The following SIK3 variants were observed in gnomAD, a reference collection of about 807,000 sequenced individuals.
SIK3 encodes serine/threonine-protein kinase SIK3.
SIK3 carries 28 observed loss-of-function variants against 144.2 expected under a neutral mutation model. The ratio of observed to expected loss-of-function variants is 0.19; its 90% confidence interval spans 0.14 to 0.27. The LOEUF (loss-of-function observed/expected upper bound fraction) is 0.27, where lower values mean the gene tolerates loss of function less well. Ranked by LOEUF, SIK3 falls within the 10% of genes least tolerant of loss-of-function variation. SIK3 has a pLI of 1.00. For synonymous variants in SIK3, 686 were observed against 676.3 expected (o/e 1.01, Z -0.22); for missense variants, 1,319 against 1,776.0 (o/e 0.74, Z 4.62).
rs1386176517 is a variant in SIK3, at chr11:116,843,546, TTAC to T, written c.*2094_*2096del. 6.6e-6 allele frequency: 1 copy of T among 152,256 alleles called. No homozygotes were observed. Among genetic ancestry groups the T allele is most frequent in the African/African-American group, 2.4e-5 (1 of 41,462 alleles). 9.4% of individuals were successfully genotyped at this position (152,256 alleles called of 1,614,324 possible). On this transcript the variant is annotated 3_prime_UTR_variant, in exon 25 of 25. Coordinates refer to ENST00000445177, the MANE Select transcript of SIK3 (RefSeq NM_001366686.3). ...ATTCAACGTATACTGCACATATTGG[TTAC>T]TACAATACAAAGCAATGAGTTTTTT... is the stretch of plus-strand genomic sequence containing the variant.
chr11:116,874,113 T>A, intron 11 of SIK3, 57 bp from the exon 12 acceptor site: 1 of 1,571,362 alleles, frequency 6.4e-7, no homozygotes, highest in African/African-American at 1.4e-5. Context: ...CAAAAGTGCT[T>A]ATATCCCAAA....
chr11:116,883,114 A>G (rs182483424), intron 6 of SIK3, among the ~76,000 whole-genome samples: 2,380 of 152,318 alleles, frequency 0.016, 21 homozygotes, highest in Non-Finnish European at 0.024. Flanking sequence ...ATGCTATTAT[A>G]GCAAACAGAA....
At position 116,876,850 on chromosome 11, in the gene SIK3, T is replaced by G. The variant is rs1734631922; in HGVS notation, c.984+74A>C. ...AGTGTCCGCCTTTCAGGTTATGGCC[T>G]GATTACAATCACATGCAAAGGAGGC... On this transcript the variant is annotated intron_variant, in intron 7 of 24. Transcript: ENST00000445177. 5.7e-6 allele frequency: 7 copies of G among 1,230,956 alleles called. No individual in the cohort carries two copies. In the South Asian group the frequency reaches 8.5e-5, roughly 15 times the overall value. The allele number at this position is 1,230,956 out of a possible 1,614,324, so 76.3% of individuals were successfully genotyped here.
intron 1 of SIK3, among the ~76,000 whole-genome samples, chr11:116,967,591 C>T (rs1435258574): frequency 6.6e-6 from 1 of 152,234 alleles, no homozygotes; most frequent in Non-Finnish European, 1.5e-5. Flanking sequence ...CATCTCTTGA[C>T]ATCTCCCAAT....
intron 3 of SIK3, among the ~76,000 whole-genome samples, chr11:116,934,569 C>T (rs1947799864): frequency 6.6e-6 from 1 of 152,216 alleles, no homozygotes; most frequent in African/African-American, 2.4e-5. Flanking sequence ...CTTCGTGAAA[C>T]ACATTATCAC....
chr11:116,964,668 G>A (rs1032598458), intron 1 of SIK3, among the ~76,000 whole-genome samples: 1 of 152,086 alleles, frequency 6.6e-6, no homozygotes, highest in African/African-American at 2.4e-5. Context: ...ATCACTTGAG[G>A]TCAGGAGCTC....
rs377320200 is a variant in SIK3 at position 116,893,272 on chromosome 11, T to C, written c.865+2981A>G. Among the ~76,000 whole-genome samples, 44 of 152,222 alleles carry C rather than the reference T, an allele frequency of 2.9e-4. No individual in the cohort carries two copies. In the South Asian group the frequency reaches 5.2e-3, roughly 18 times the overall value. On this transcript the variant is annotated intron_variant, in intron 6 of 24. Coordinates refer to ENST00000445177, the MANE Select transcript of SIK3 (RefSeq NM_001366686.3). ...AAACATACCACTCTGGTGGGGCACA[T>C]TGATTATGACAGGGGTCAGCAGGGG... is the stretch of plus-strand genomic sequence containing the variant.
At chr11:116,934,826 T>TC (rs1208692781) in intron 3 of SIK3, among the ~76,000 whole-genome samples, 2 of 151,944 alleles carry the variant, frequency 1.3e-5, no homozygotes, top group Non-Finnish European at 2.9e-5. Context: ...ACCTCTATAA[T>TC]CCCAGCACTT....
intron 22 of SIK3, among the ~76,000 whole-genome samples, chr11:116,848,264 G>A (rs1412193608): frequency 6.6e-6 from 1 of 152,082 alleles, no homozygotes; most frequent in Admixed American, 6.5e-5. Context: ...GGAGAATGGC[G>A]TGAACCCGGG....
chr11:117,017,342 T>C (rs1189301714), intron 1 of SIK3, among the ~76,000 whole-genome samples: 1 of 152,234 alleles, frequency 6.6e-6, no homozygotes, highest in African/African-American at 2.4e-5. Flanking sequence ...AAAAGCTGGC[T>C]CCTAGGCATG....
chr11:116,946,209 G>A (rs1426103504), intron 3 of SIK3, among the ~76,000 whole-genome samples: 1 of 152,006 alleles, frequency 6.6e-6, no homozygotes, highest in South Asian at 2.1e-4. Context: ...ATATTTAAAC[G>A]AATCAAAATA....
At chr11:117,049,722 G>A (rs1182038543) in intron 1 of SIK3, among the ~76,000 whole-genome samples, 1 of 151,890 alleles carries the variant, frequency 6.6e-6, no homozygotes, top group South Asian at 2.1e-4. Context: ...TTTGGAAGCT[G>A]AAGTGGAGGA....
intron 1 of SIK3, among the ~76,000 whole-genome samples, chr11:117,081,197 TATAA>T: frequency 6.6e-6 from 1 of 152,288 alleles, no homozygotes; most frequent in East Asian, 1.9e-4. Context: ...AAAATCTGGT[TATAA>T]ATAGTTAATG....
chr11:117,038,807 T>C (rs1011884720), intron 1 of SIK3, among the ~76,000 whole-genome samples: 1 of 152,026 alleles, frequency 6.6e-6, no homozygotes, highest in African/African-American at 2.4e-5. Flanking sequence ...CCCAGCACTT[T>C]GGGAGGCGGA....
chr11:116,855,980 G>T (rs980203363), intron 21 of SIK3, among the ~76,000 whole-genome samples: 18 of 152,158 alleles, frequency 1.2e-4, no homozygotes, highest in African/African-American at 4.3e-4. Flanking sequence ...TGCGGATCAC[G>T]AGGTCAGGAG....
intron 4 of SIK3, among the ~76,000 whole-genome samples, chr11:116,899,699 C>G (rs1945636846): frequency 6.6e-6 from 1 of 152,160 alleles, no homozygotes; most frequent in East Asian, 1.9e-4. Flanking sequence ...AGGAGCTACA[C>G]TAAGACAATG....
intron 1 of SIK3, among the ~76,000 whole-genome samples, chr11:117,065,582 T>A (rs1196359445): frequency 7.1e-6 from 1 of 140,656 alleles, no homozygotes; most frequent in Admixed American, 7.0e-5. Context: ...TAAATGCTTT[T>A]TAAACACAAA....
chr11:116,876,953 G>T lies in SIK3; in HGVS notation c.955C>A (p.Leu319Ile), dbSNP rs1204020733. The change falls in exon 7 of 25, where the codon CTA (leucine) becomes ATA (isoleucine). Residue 319 changes from leucine to isoleucine, a missense_variant. Leu to Ile is a conservative substitution (Grantham distance 5). Transcript: ENST00000445177. The stretch of plus-strand genomic sequence containing the variant: ...TCAAAGTTGGGATCGGCGTCCCCTA[G>T]CTTCATCCACTTGTGCTTGCAGATC... ...EQICKHKWMK[L>I]GDADPNFDRL... 1 of 1,614,056 alleles carries T rather than the reference G, an allele frequency of 6.2e-7. No homozygotes were observed. Among genetic ancestry groups the T allele is most frequent in the Non-Finnish European group, 8.5e-7 (1 of 1,180,034 alleles).
At chr11:116,875,628 C>T in intron 9 of SIK3, 177 bp from the exon 10 acceptor site, 1 of 797,696 alleles carries the variant, frequency 1.3e-6, no homozygotes, top group Non-Finnish European at 1.9e-6. Flanking sequence ...AGCATCGCCT[C>T]ATGATTTGCT....
Sources: gnomAD v4.1 joint callset for allele counts (sites outside exome capture counted in the v4.1 genomes callset) on GRCh38, gnomAD v4.1.1 for gene constraint, MANE v1.5 for transcripts, NCBI Gene and HGNC (gene_info 2026-07-23, HGNC 2026-07-21) for gene names.